The following TNFSF4 variants were observed in gnomAD, a reference collection of about 807,000 sequenced individuals.
TNFSF4 encodes the protein TNF superfamily member 4.
Under a neutral mutation model 7.3 loss-of-function variants are expected in TNFSF4, and 4 were observed. The observed-to-expected ratio is 0.55, with a 90% CI of 0.27 to 1.25. The LOEUF (loss-of-function observed/expected upper bound fraction) is 1.25. Ranked by LOEUF, TNFSF4 falls within the 50% of genes most tolerant of loss-of-function variation. The pLI is 0.12. For missense variants in TNFSF4, 181 were observed against 208.8 expected (o/e 0.87, Z 0.82); for synonymous variants, 76 against 83.7 (o/e 0.91, Z 0.50).
At chr1:173,438,703 A>G in the TNFSF4 span, among the ~76,000 whole-genome samples, 32 of 152,284 alleles carry the variant, frequency 2.1e-4, 2 homozygotes, top group Middle Eastern at 3.4e-3. Context: ...AAGATCATGT[A>G]ATATTTGTGT....
At chr1:173,250,455 GTTTTTTTGTTTTTTT>G in the TNFSF4 span, among the ~76,000 whole-genome samples, 281 of 147,478 alleles carry the variant, frequency 1.9e-3, 7 homozygotes, top group East Asian at 0.051. Flanking sequence ...TTCATTTTTT[GTTTTTTTGTTTTTTT>G]TTTTTTTGAG....
the TNFSF4 span, among the ~76,000 whole-genome samples, chr1:173,388,932 C>T: frequency 6.6e-6 from 1 of 152,160 alleles, no homozygotes; most frequent in Non-Finnish European, 1.5e-5. Context: ...TACTGACATA[C>T]AGTGAGAAAT....
chr1:173,248,584 A>G, the TNFSF4 span, among the ~76,000 whole-genome samples: 1 of 152,180 alleles, frequency 6.6e-6, no homozygotes, highest in Admixed American at 6.5e-5. Flanking sequence ...AAGAAAAGAA[A>G]AAAGAAGTTT....
the TNFSF4 span, among the ~76,000 whole-genome samples, chr1:173,371,908 G>A: frequency 6.6e-6 from 1 of 152,160 alleles, no homozygotes; most frequent in Non-Finnish European, 1.5e-5. Context: ...TTGCCTCAAG[G>A]GTTTAGGGAT....
the TNFSF4 span, among the ~76,000 whole-genome samples, chr1:173,356,288 T>C: frequency 2.6e-5 from 4 of 152,082 alleles, no homozygotes; most frequent in African/African-American, 9.7e-5. Flanking sequence ...GGTTATAAAA[T>C]GAAGTAACTC....
chr1:173,394,746 C>T, the TNFSF4 span, among the ~76,000 whole-genome samples: 4 of 152,110 alleles, frequency 2.6e-5, no homozygotes, highest in Non-Finnish European at 5.9e-5. Context: ...GATGCAGATT[C>T]TATTACACCA....
downstream of TNFSF4, among the ~76,000 whole-genome samples, chr1:173,182,885 G>A (rs1649080306): frequency 6.6e-6 from 1 of 152,162 alleles, no homozygotes; most frequent in African/African-American, 2.4e-5. Context: ...GAGAACTCTT[G>A]GGAAATGGAG....
At chr1:173,363,329 T>C in the TNFSF4 span, 1 of 290,034 alleles carries the variant, frequency 3.4e-6, no homozygotes, top group Middle Eastern at 9.2e-4. Flanking sequence ...CCTAAAAGAT[T>C]ACATTTATTT....
the TNFSF4 span, among the ~76,000 whole-genome samples, chr1:173,282,005 C>A: frequency 1.3e-5 from 2 of 152,192 alleles, no homozygotes; most frequent in South Asian, 4.1e-4. Flanking sequence ...CAAAGTTGAT[C>A]TCATGGAGGT....
At chr1:173,180,137 G>A (rs1649026334), downstream of TNFSF4, among the ~76,000 whole-genome samples, 1 of 152,076 alleles carries the variant, frequency 6.6e-6, no homozygotes, top group Admixed American at 6.5e-5. Flanking sequence ...ACTTTTGAAT[G>A]AATGAACAAA....
rs1649164231 is a variant in TNFSF4, at chr1:173,185,039, A to AC, written c.*1476dup. On this transcript the variant is annotated 3_prime_UTR_variant, in exon 3 of 3. Transcript: ENST00000281834. ...AACAGGAAAAAAAAATCCAACTGAG[A>AC]CCATTTAGTGTAAGGGCGAACAGCC... The AC allele has an allele frequency of 6.6e-6, 1 of 152,208 alleles. No homozygotes were observed. Among genetic ancestry groups the AC allele is most frequent in the Non-Finnish European group, 1.5e-5 (1 of 68,036 alleles). 9.4% of individuals were successfully genotyped at this position (152,208 alleles called of 1,614,324 possible).
the TNFSF4 span, among the ~76,000 whole-genome samples, chr1:173,315,755 G>T: frequency 3.9e-5 from 6 of 152,186 alleles, no homozygotes; most frequent in Non-Finnish European, 8.8e-5. Flanking sequence ...TTATTTTGTT[G>T]CTGTTGAGTT....
chr1:173,214,616 T>C, the TNFSF4 span, among the ~76,000 whole-genome samples: 1 of 152,236 alleles, frequency 6.6e-6, no homozygotes, highest in Non-Finnish European at 1.5e-5. Context: ...TCTCATAATG[T>C]TTTAAGAAAG....
the TNFSF4 span, among the ~76,000 whole-genome samples, chr1:173,304,296 A>G: frequency 6.6e-6 from 1 of 152,064 alleles, no homozygotes; most frequent in South Asian, 2.1e-4. Context: ...ATCTCATATC[A>G]TGGCAGTGCT....
At chr1:173,442,249 T>C in the TNFSF4 span, among the ~76,000 whole-genome samples, 3 of 152,114 alleles carry the variant, frequency 2.0e-5, no homozygotes, top group African/African-American at 7.2e-5. Context: ...CCACGTTCTA[T>C]AGTATAGTAT....
At chr1:173,363,431 C>A in the TNFSF4 span, 3 of 347,348 alleles carry the variant, frequency 8.6e-6, no homozygotes, top group Non-Finnish European at 1.7e-5. Context: ...CCATCCAGTA[C>A]CTTCTTGGAT....
chr1:173,375,874 C>T, the TNFSF4 span, among the ~76,000 whole-genome samples: 59 of 152,232 alleles, frequency 3.9e-4, no homozygotes, highest in Middle Eastern at 6.8e-3. Context: ...TCTTTGGGTC[C>T]GTGCCATCTT....
the TNFSF4 span, among the ~76,000 whole-genome samples, chr1:173,353,382 T>C: frequency 6.6e-6 from 1 of 152,220 alleles, no homozygotes; most frequent in African/African-American, 2.4e-5. Context: ...TTTTCTTCTG[T>C]CATGGCTTCA....
At chr1:173,176,805 G>C in the TNFSF4 span, among the ~76,000 whole-genome samples, 1 of 152,148 alleles carries the variant, frequency 6.6e-6, no homozygotes, top group African/African-American at 2.4e-5. Flanking sequence ...AAAAGAACTA[G>C]ATAATGTCCT....
Sources: gnomAD v4.1 joint callset for allele counts (sites outside exome capture counted in the v4.1 genomes callset) on GRCh38, gnomAD v4.1.1 for gene constraint, MANE v1.5 for transcripts, NCBI Gene and HGNC (gene_info 2026-07-23, HGNC 2026-07-21) for gene names.